Variants in BRSK2 observed in about 807,000 individuals in gnomAD.
BRSK2 encodes BR serine/threonine kinase 2.
BRSK2 carries 19 observed loss-of-function variants against 83.3 expected under a neutral mutation model. The observed-to-expected ratio is 0.23, with a 90% CI of 0.16 to 0.33. The LOEUF is 0.33. Ranked by LOEUF, BRSK2 falls within the 10% of genes least tolerant of loss-of-function variation. The pLI, the probability that BRSK2 is intolerant of heterozygous loss-of-function variation, is 1.00. For missense variants in BRSK2, 798 were observed against 1,042.3 expected (o/e 0.77, Z 3.23); for synonymous variants, 519 against 435.4 (o/e 1.19, Z -2.39).
chr11:1,445,921 G>T lies in BRSK2; in HGVS notation c.1226+14G>T. The T allele has an allele frequency of 6.3e-7, 1 of 1,594,160 alleles. No individual in the cohort carries two copies. Among genetic ancestry groups the T allele is most frequent in the Middle Eastern group, 1.7e-4 (1 of 5,718 alleles). ...GCACGGCCAGAGGTGTGTGTGCCCC[G>T]AGGCTGCTGGGCCTCCCTCCCTGGG... is the stretch of plus-strand genomic sequence containing the variant. On this transcript the variant is annotated intron_variant, in intron 12 of 19. Transcript: ENST00000528841.
At position 1,390,692 on chromosome 11, in the gene BRSK2, G is replaced by T. The variant is rs1845669691; in HGVS notation, c.91+317G>T. Among the ~76,000 whole-genome samples the T allele has an allele frequency of 6.7e-6, 1 of 150,212 alleles. No individual in the cohort carries two copies. Among genetic ancestry groups the T allele is most frequent in the Non-Finnish European group, 1.5e-5 (1 of 67,472 alleles). On this transcript the variant is annotated intron_variant, in intron 1 of 19. Transcript: ENST00000528841. The surrounding 1 kb of genome is among the most constrained non-coding windows in gnomAD (Gnocchi z 6.8). ...AGGTGCGCGGCCCGGGCCGCATTGT[G>T]CGCCCCAGCGACCGGGCCCATTGTG... is the stretch of plus-strand genomic sequence containing the variant.
chr11:1,404,047 A>C (rs2134065588), intron 1 of BRSK2, among the ~76,000 whole-genome samples: 1 of 152,238 alleles, frequency 6.6e-6, no homozygotes, highest in African/African-American at 2.4e-5. Context: ...CTCTTTGACC[A>C]GTGAAGTGTG....
chr11:1,436,170 T>C (rs994650510), intron 2 of BRSK2, 36 bp downstream of exon 2: 1 of 45,140 alleles, frequency 2.2e-5, no homozygotes, highest in African/African-American at 1.4e-4. Context: ...GGGCCGGCGG[T>C]GGGGTGGGGC....
intron 1 of BRSK2, among the ~76,000 whole-genome samples, chr11:1,421,164 G>A (rs554089742): frequency 2.0e-5 from 3 of 152,212 alleles, no homozygotes; most frequent in Admixed American, 6.5e-5. Flanking sequence ...CCCAGGCTGC[G>A]CTTCGGAGGG....
intron 1 of BRSK2, chr11:1,411,777 T>A: frequency 3.2e-6 from 4 of 1,243,142 alleles, no homozygotes; most frequent in East Asian, 2.6e-5. Context: ...CTGTGCGGGT[T>A]CCTACGCTGG....
At chr11:1,420,674 C>T (rs1047454608) in intron 1 of BRSK2, among the ~76,000 whole-genome samples, 9 of 152,198 alleles carry the variant, frequency 5.9e-5, no homozygotes, top group Non-Finnish European at 1.2e-4. Context: ...CCAGCCTCTT[C>T]CTCCACTGCC....
At chr11:1,455,804 T>C (rs1325389937) in intron 16 of BRSK2, among the ~76,000 whole-genome samples, 1 of 152,042 alleles carries the variant, frequency 6.6e-6, no homozygotes, top group Non-Finnish European at 1.5e-5. Flanking sequence ...CCCTGTGCGC[T>C]GGGTGGCCCT....
In BRSK2 at chr11:1,460,760, C is replaced by A. The variant is rs1367804304; in HGVS notation, c.*37C>A. On this transcript the variant is annotated 3_prime_UTR_variant, in exon 20 of 20. Transcript: ENST00000528841. ...CCCCCCCCCAGCACAGCACTGACAG[C>A]GGCTGCCTCGCCGCCCGCCGCCCGC... The A allele has an allele frequency of 3.0e-6, 4 of 1,322,170 alleles. No individual in the cohort carries two copies. Among genetic ancestry groups the A allele is most frequent in the South Asian group, 1.5e-5 (1 of 66,074 alleles). The allele number at this position is 1,322,170 out of a possible 1,614,324, so 81.9% of individuals were successfully genotyped here. A position where few individuals can be genotyped will look rare whatever the true frequency, so the allele number is the denominator to read the frequency against.
intron 1 of BRSK2, among the ~76,000 whole-genome samples, chr11:1,425,873 G>T (rs1029681530): frequency 2.6e-5 from 4 of 152,126 alleles, no homozygotes; most frequent in Non-Finnish European, 5.9e-5. Context: ...GGGAGGGCGT[G>T]GGGGGAACGC....
chr11:1,400,353 G>C (rs1846395064), intron 1 of BRSK2, among the ~76,000 whole-genome samples: 1 of 152,250 alleles, frequency 6.6e-6, no homozygotes, highest in Non-Finnish European at 1.5e-5. Context: ...TCCAGGTGAT[G>C]CTGACGCTGG....
chr11:1,437,729 G>A (rs559869604), intron 2 of BRSK2, among the ~76,000 whole-genome samples: 2 of 152,334 alleles, frequency 1.3e-5, no homozygotes, highest in African/African-American at 4.8e-5. Context: ...TCCACCGTAA[G>A]GAAGGGCGGA....
In BRSK2 at chr11:1,460,910, C is replaced by G; in HGVS notation, c.*187C>G. The G allele has an allele frequency of 1.2e-6, 2 of 1,608,200 alleles. No individual in the cohort carries two copies. Among genetic ancestry groups the G allele is most frequent in the Admixed American group, 1.7e-5 (1 of 59,806 alleles). On this transcript the variant is annotated 3_prime_UTR_variant, in exon 20 of 20. Transcript: ENST00000528841. ...GCGCCACCCGCGCCCGCTCTCTTTT[C>G]TCTCTGTCTCTGCCTCTGCCTGTCT...
chr11:1,398,106 T>G (rs536764894), intron 1 of BRSK2, among the ~76,000 whole-genome samples: 34 of 152,282 alleles, frequency 2.2e-4, no homozygotes, highest in African/African-American at 7.7e-4. Flanking sequence ...GGAGCCTGCC[T>G]GGCCAGGAAT....
chr11:1,434,021 G>A lies in BRSK2; in HGVS notation c.92-2019G>A, dbSNP rs116486701. On this transcript the variant is annotated intron_variant, in intron 1 of 19. Transcript: ENST00000528841. ...AATAAAGCTAAAAGCCGATGGGGCCGGGGGAATGGAGGTTTGACGCGTGAG... is the reference window on the plus strand; with the variant it reads ...AATAAAGCTAAAAGCCGATGGGGCCAGGGGAATGGAGGTTTGACGCGTGAG... 4.5e-3 allele frequency among the ~76,000 whole-genome samples: 688 copies of A among 152,364 alleles called. 11 individuals are homozygous for A. The highest frequency in any genetic ancestry group is 0.015 in the African/African-American group (642 of 41,578).
chr11:1,452,260 C>T (rs1253061048), intron 15 of BRSK2, among the ~76,000 whole-genome samples: 1 of 152,208 alleles, frequency 6.6e-6, no homozygotes, highest in Non-Finnish European at 1.5e-5. Context: ...GCAGCATCTG[C>T]AGCCTGTGCC....
intron 17 of BRSK2, 31 bp from the exon 18 acceptor site, chr11:1,456,567 C>T (rs61869032): frequency 0.26 from 422,197 of 1,604,698 alleles, 60,183 homozygotes; most frequent in Non-Finnish European, 0.29. Context: ...GGCCCAGGCC[C>T]GTCCAGGGCA....
At position 1,456,587 on chromosome 11, in the gene BRSK2, GTC is replaced by G; in HGVS notation, c.1850-8_1850-7del. The G allele has an allele frequency of 6.2e-7, 1 of 1,609,408 alleles. No homozygotes were observed. Among genetic ancestry groups the G allele is most frequent in the Non-Finnish European group, 8.5e-7 (1 of 1,178,612 alleles). ...AGGCCCGTCCAGGGCATAACCCCCT[GTC>G]TCCCCTAGGCCCCAGCCGTCGCTTC... On this transcript the variant is annotated splice_polypyrimidine_tract_variant and intron_variant, in intron 17 of 19. Coordinates refer to ENST00000528841, the MANE Select transcript of BRSK2 (RefSeq NM_001256627.2).
rs3833751 is a variant in BRSK2 at position 1,461,887 on chromosome 11, G to GTC, written c.*1170_*1171dup. 0.8 allele frequency: 120,642 copies of GTC among 151,328 alleles called. 48,628 individuals are homozygous for GTC. Among genetic ancestry groups the GTC allele is most frequent in the African/African-American group, 0.85 (35,085 of 41,224 alleles). 9.4% of individuals were successfully genotyped at this position (151,328 alleles called of 1,614,324 possible). A position where few individuals can be genotyped will look rare whatever the true frequency, so the allele number is the denominator to read the frequency against. On this transcript the variant is annotated 3_prime_UTR_variant, in exon 20 of 20. Coordinates refer to ENST00000528841, the MANE Select transcript of BRSK2 (RefSeq NM_001256627.2). ...TGCGGCTCGCTCTGTCATGGGTTCC[G>GTC]TCTCTCTGTGGAGAAGCAGCTCCAC...
rs769614243 is a variant in BRSK2, at chr11:1,438,829, G to A, written c.272+438G>A. On this transcript the variant is annotated intron_variant, in intron 3 of 19. Coordinates refer to ENST00000528841, the MANE Select transcript of BRSK2 (RefSeq NM_001256627.2). This position sits in a 1 kb window ranked among gnomAD's most constrained non-coding sequence, Gnocchi z 6.4. ...CACGAGGCACAGCCACCAGGATCCC[G>A]CCCTGGCTGGACCGTGGCTGAGTGT... Among the ~76,000 whole-genome samples the A allele has an allele frequency of 2.0e-5, 3 of 152,168 alleles. No homozygotes were observed. Among genetic ancestry groups the A allele is most frequent in the African/African-American group, 4.8e-5 (2 of 41,446 alleles).
Sources: gnomAD v4.1 joint callset for allele counts (sites outside exome capture counted in the v4.1 genomes callset) on GRCh38, gnomAD v4.1.1 for gene constraint, Gnocchi (gnomAD v3.1) non-coding constraint, MANE v1.5 for transcripts, NCBI Gene and HGNC (gene_info 2026-07-23, HGNC 2026-07-21) for gene names.